ASB4: variants seen among roughly 807,000 people sequenced by gnomAD.
ASB4 encodes ankyrin repeat and SOCS box containing 4.
In ASB4, 35 loss-of-function variants were observed where a neutral mutation model predicts 38.6. The observed-to-expected ratio is 0.91, with a 90% CI of 0.69 to 1.20. The LOEUF is 1.20. Among genes scored for constraint, ASB4 ranks in the 50% most tolerant of loss-of-function variants. ASB4 has a pLI of 0.00. For synonymous variants in ASB4, 195 were observed against 201.3 expected (o/e 0.97, Z 0.26); for missense variants, 557 against 527.2 (o/e 1.06, Z -0.55).
chr7:95,488,361 G>T (rs1265805066), intron 1 of ASB4, among the ~76,000 whole-genome samples: 2 of 151,764 alleles, frequency 1.3e-5, no homozygotes, highest in South Asian at 2.1e-4. Flanking sequence ...AAAAAAAGAA[G>T]TTTCTTCCAA....
intron 2 of ASB4, among the ~76,000 whole-genome samples, chr7:95,522,850 T>C (rs1790682804): frequency 6.6e-6 from 1 of 152,196 alleles, no homozygotes; most frequent in Non-Finnish European, 1.5e-5. Flanking sequence ...AATTTAATTT[T>C]TTATCTCTCT....
At chr7:95,498,116 C>G (rs902575135) in intron 2 of ASB4, among the ~76,000 whole-genome samples, 1 of 152,084 alleles carries the variant, frequency 6.6e-6, no homozygotes, top group Admixed American at 6.6e-5. Context: ...TCTGTCATTT[C>G]GTATTTCTAT....
At chr7:95,492,466 A>G (rs1027842638) in intron 1 of ASB4, among the ~76,000 whole-genome samples, 3 of 152,210 alleles carry the variant, frequency 2.0e-5, no homozygotes, top group Non-Finnish European at 4.4e-5. Flanking sequence ...CATTGCGGGT[A>G]TTCTGAGTCC....
chr7:95,475,551 G>C (rs1789969309), upstream of ASB4, among the ~76,000 whole-genome samples: 1 of 151,814 alleles, frequency 6.6e-6, no homozygotes, highest in Non-Finnish European at 1.5e-5. Flanking sequence ...ACCTGGCTAA[G>C]TTTTGTATTT....
At chr7:95,519,243 G>A (rs754393174) in intron 2 of ASB4, among the ~76,000 whole-genome samples, 3 of 152,030 alleles carry the variant, frequency 2.0e-5, no homozygotes, top group African/African-American at 4.8e-5. Flanking sequence ...TGACATACTC[G>A]ACACTGTACA....
Position 95,480,194 on chromosome 7 carries a change from G to A in ASB4, n.157+1594G>A, listed in dbSNP as rs557011428. Reference sequence around the variant, plus strand: ...TGGCTGCAATCCTAGACCTTACCCAGTTTACTTTTCTTGGTAGCACATATT... The same window carrying A: ...TGGCTGCAATCCTAGACCTTACCCAATTTACTTTTCTTGGTAGCACATATT... On this transcript the variant is annotated intron_variant and non_coding_transcript_variant, in intron 1 of 1. Transcript: ENST00000257621. 2.8e-3 allele frequency among the ~76,000 whole-genome samples: 424 copies of A among 152,180 alleles called. 3 individuals carry two copies. The highest frequency in any genetic ancestry group is 4.4e-3 in the Non-Finnish European group (302 of 68,000).
chr7:95,504,446 G>T (rs541096211), intron 2 of ASB4, among the ~76,000 whole-genome samples: 2 of 152,138 alleles, frequency 1.3e-5, no homozygotes, highest in African/African-American at 4.8e-5. Context: ...ATGCCTGCTG[G>T]ACAGACGCTG....
At chr7:95,501,512 G>T (rs73711329) in intron 2 of ASB4, among the ~76,000 whole-genome samples, 1,865 of 152,234 alleles carry the variant, frequency 0.012, 41 homozygotes, top group African/African-American at 0.042. Flanking sequence ...TCATAAATAA[G>T]AACACTTAAG....
chr7:95,541,727 C>G (rs148635756), downstream of ASB4, among the ~76,000 whole-genome samples: 1,030 of 152,210 alleles, frequency 6.8e-3, 16 homozygotes, highest in Admixed American at 9.0e-3. Context: ...GAAAATGTAT[C>G]ATATACGGAG....
At chr7:95,512,951 A>G (rs1431850866) in intron 2 of ASB4, among the ~76,000 whole-genome samples, 1 of 152,242 alleles carries the variant, frequency 6.6e-6, no homozygotes, top group East Asian at 1.9e-4. Flanking sequence ...ATGTGATTAA[A>G]TTAAGAACTT....
At chr7:95,505,156 G>T (rs1172604901) in intron 2 of ASB4, among the ~76,000 whole-genome samples, 1 of 152,182 alleles carries the variant, frequency 6.6e-6, no homozygotes, top group Non-Finnish European at 1.5e-5. Flanking sequence ...TGATTGAAAA[G>T]AAGGAAGCAA....
intron 2 of ASB4, among the ~76,000 whole-genome samples, chr7:95,515,259 CTT>C (rs1468408040): frequency 4.0e-4 from 50 of 123,890 alleles, no homozygotes; most frequent in East Asian, 1.4e-3. Context: ...TTCCTTCTTT[CTT>C]TCTTTCTCTT....
intron 1 of ASB4, among the ~76,000 whole-genome samples, chr7:95,493,162 C>A (rs544073878): frequency 6.6e-5 from 10 of 152,268 alleles, no homozygotes; most frequent in African/African-American, 2.4e-4. Flanking sequence ...GAATTTAATT[C>A]TATTAGCTGA....
chr7:95,528,845 A>G (rs1376113524), intron 3 of ASB4: 1 of 373,554 alleles, frequency 2.7e-6, no homozygotes, highest in African/African-American at 2.2e-5. Context: ...CATACGAGGT[A>G]TATATTATTA....
In ASB4 at chr7:95,539,503, G is replaced by T. The variant is rs1584099784; in HGVS notation, c.*1744G>T. On this transcript the variant is annotated 3_prime_UTR_variant, in exon 5 of 5. Coordinates refer to ENST00000325885, the MANE Select transcript of ASB4 (RefSeq NM_016116.3). ...TGTATGAATTATTCACATAAAGCTT[G>T]ATCTTTCAAAAAATAGTTTGCTTGC... 1 of 152,214 alleles carries T rather than the reference G, an allele frequency of 6.6e-6. No homozygotes were observed. The highest frequency in any genetic ancestry group is 2.4e-5 in the African/African-American group (1 of 41,450). The allele number at this position is 152,214 out of a possible 1,614,324, so 9.4% of individuals were successfully genotyped here. A position where few individuals can be genotyped will look rare whatever the true frequency, so the allele number is the denominator to read the frequency against.
At chr7:95,522,673 G>C (rs543946687) in intron 2 of ASB4, among the ~76,000 whole-genome samples, 66 of 152,232 alleles carry the variant, frequency 4.3e-4, no homozygotes, top group Non-Finnish European at 8.4e-4. Flanking sequence ...CCACACAAAG[G>C]CTTTTCAAGA....
At chr7:95,518,945 A>G (rs1790622880) in intron 2 of ASB4, among the ~76,000 whole-genome samples, 1 of 152,206 alleles carries the variant, frequency 6.6e-6, no homozygotes, top group Non-Finnish European at 1.5e-5. Flanking sequence ...AGAAGAAATA[A>G]AGAGTAATTT....
At chr7:95,533,167 T>G (rs1028662738) in intron 3 of ASB4, among the ~76,000 whole-genome samples, 1 of 152,192 alleles carries the variant, frequency 6.6e-6, no homozygotes, top group African/African-American at 2.4e-5. Flanking sequence ...TAATAAACTC[T>G]GTCTGCCAGG....
chr7:95,524,756 A>G (rs1790713979), intron 2 of ASB4, among the ~76,000 whole-genome samples: 1 of 152,306 alleles, frequency 6.6e-6, no homozygotes, highest in Middle Eastern at 3.4e-3. Context: ...CCATGTGGAG[A>G]CACAAATGAG....
Sources: gnomAD v4.1 joint callset for allele counts (sites outside exome capture counted in the v4.1 genomes callset) on GRCh38, gnomAD v4.1.1 for gene constraint, MANE v1.5 for transcripts, NCBI Gene and HGNC (gene_info 2026-07-23, HGNC 2026-07-21) for gene names.